Variants in CAMK1D observed in about 807,000 individuals in gnomAD.
CAMK1D encodes calcium/calmodulin-dependent protein kinase type 1D.
A neutral mutation model predicts 47.7 loss-of-function variants in CAMK1D; 9 were observed. The ratio of observed to expected loss-of-function variants is 0.19; its 90% confidence interval spans 0.11 to 0.33. The LOEUF (loss-of-function observed/expected upper bound fraction) is 0.33. Ranked by LOEUF, CAMK1D falls within the 10% of genes least tolerant of loss-of-function variation. CAMK1D has a pLI of 1.00. For missense variants in CAMK1D, 291 were observed against 488.7 expected (o/e 0.60, Z 3.81); for synonymous variants, 184 against 184.9 (o/e 0.99, Z 0.04).
At chr10:12,755,495 A>G (rs1345664515) in intron 3 of CAMK1D, among the ~76,000 whole-genome samples, 11 of 152,206 alleles carry the variant, frequency 7.2e-5, no homozygotes, top group African/African-American at 1.2e-4. Flanking sequence ...AGCATGATTT[A>G]TAATCCTTTG....
chr10:12,653,464 A>G (rs528242464), intron 2 of CAMK1D, among the ~76,000 whole-genome samples: 3 of 152,352 alleles, frequency 2.0e-5, no homozygotes, highest in African/African-American at 7.2e-5. Flanking sequence ...TTCCCAACAT[A>G]TGAGTGCTTG....
intron 3 of CAMK1D, among the ~76,000 whole-genome samples, chr10:12,735,878 C>T (rs1283187964): frequency 1.3e-5 from 2 of 151,938 alleles, no homozygotes; most frequent in Non-Finnish European, 2.9e-5. Context: ...ATGGCTGGCA[C>T]CACACTCAGA....
chr10:12,675,846 C>T (rs1840789103), intron 3 of CAMK1D, among the ~76,000 whole-genome samples: 1 of 152,228 alleles, frequency 6.6e-6, no homozygotes, highest in South Asian at 2.1e-4. Context: ...GCCTGTCTGG[C>T]TTCCTTGCAA....
intron 1 of CAMK1D, among the ~76,000 whole-genome samples, chr10:12,500,038 G>A (rs2132137734): frequency 6.6e-6 from 1 of 152,250 alleles, no homozygotes; most frequent in East Asian, 1.9e-4. Context: ...GGCCGAGGTG[G>A]GCAGATCACT....
chr10:12,713,021 G>A (rs971750899), intron 3 of CAMK1D, among the ~76,000 whole-genome samples: 18 of 152,080 alleles, frequency 1.2e-4, no homozygotes, highest in African/African-American at 2.4e-4. Context: ...TGACATTCCC[G>A]GAGGCATGGT....
At chr10:12,550,327 T>TC (rs1205842789) in intron 1 of CAMK1D, among the ~76,000 whole-genome samples, 1 of 152,190 alleles carries the variant, frequency 6.6e-6, no homozygotes, top group Non-Finnish European at 1.5e-5. Flanking sequence ...CCTTGGTCTT[T>TC]CCCCAGTGAT....
At chr10:12,503,764 A>G (rs746701818) in intron 1 of CAMK1D, among the ~76,000 whole-genome samples, 20 of 152,154 alleles carry the variant, frequency 1.3e-4, no homozygotes, top group Non-Finnish European at 2.8e-4. Context: ...GGTTAGGTCC[A>G]TGGGCTCCTG....
chr10:12,639,417 G>A (rs1482057117), intron 2 of CAMK1D, among the ~76,000 whole-genome samples: 1 of 152,162 alleles, frequency 6.6e-6, no homozygotes, highest in East Asian at 1.9e-4. Flanking sequence ...CCCGCGAGGC[G>A]GAGGTTGCAG....
At chr10:12,621,125 T>A (rs903163833) in intron 2 of CAMK1D, among the ~76,000 whole-genome samples, 3 of 152,240 alleles carry the variant, frequency 2.0e-5, no homozygotes, top group Non-Finnish European at 4.4e-5. Flanking sequence ...TATTTCTGTG[T>A]TCTCTATTCT....
At chr10:12,402,230 C>T (rs921201153) in intron 1 of CAMK1D, among the ~76,000 whole-genome samples, 1 of 151,990 alleles carries the variant, frequency 6.6e-6, no homozygotes, top group Non-Finnish European at 1.5e-5. Context: ...GCACGAGCCA[C>T]CGCGCCTGAC....
intron 6 of CAMK1D, among the ~76,000 whole-genome samples, chr10:12,811,097 G>A (rs1367358285): frequency 6.6e-6 from 1 of 152,256 alleles, no homozygotes; most frequent in African/African-American, 2.4e-5. Context: ...TTGATTGGGT[G>A]TGACAGTTGC....
At chr10:12,818,214 A>G (rs1394334350) in intron 8 of CAMK1D, among the ~76,000 whole-genome samples, 3 of 152,212 alleles carry the variant, frequency 2.0e-5, no homozygotes, top group Non-Finnish European at 2.9e-5. Context: ...ACCTGCTCAC[A>G]GACAATGTCC....
At chr10:12,437,439 C>T (rs1314252386) in intron 1 of CAMK1D, among the ~76,000 whole-genome samples, 1 of 152,190 alleles carries the variant, frequency 6.6e-6, no homozygotes, top group Non-Finnish European at 1.5e-5. Flanking sequence ...AGGTGATCCA[C>T]CCGCCTTGAC....
rs901094869 is a variant in CAMK1D, at chr10:12,784,047, G to A, written c.566-7111G>A. ...TGGTGTAAACTTGATAAGCCGATGGGATATTGTTTTGTCAGGAATAGCAAA... is the reference window on the plus strand; with the variant it reads ...TGGTGTAAACTTGATAAGCCGATGGAATATTGTTTTGTCAGGAATAGCAAA... On this transcript the variant is annotated intron_variant, in intron 5 of 10. Transcript: ENST00000619168. 2.3e-4 allele frequency among the ~76,000 whole-genome samples: 35 copies of A among 152,150 alleles called. 1 individual carries two copies. The highest frequency in any genetic ancestry group is 8.2e-4 in the African/African-American group (34 of 41,434).
chr10:12,601,866 C>G (rs754577592), intron 2 of CAMK1D, among the ~76,000 whole-genome samples: 2 of 152,254 alleles, frequency 1.3e-5, no homozygotes, highest in African/African-American at 2.4e-5. Context: ...CTCGTTTCAG[C>G]TCAGCTGGTG....
intron 3 of CAMK1D, among the ~76,000 whole-genome samples, chr10:12,693,257 T>C (rs1198855697): frequency 6.6e-6 from 1 of 151,874 alleles, no homozygotes; most frequent in Non-Finnish European, 1.5e-5. Flanking sequence ...CTAAGCTACT[T>C]GGGAGGCTGA....
At chr10:12,351,857 C>T (rs1160675924) in intron 1 of CAMK1D, among the ~76,000 whole-genome samples, 19 of 152,138 alleles carry the variant, frequency 1.2e-4, no homozygotes, top group Admixed American at 1.2e-3. Context: ...TTGCCTTCTG[C>T]CTGGGATGGA....
chr10:12,508,620 C>A (rs768766045), intron 1 of CAMK1D, among the ~76,000 whole-genome samples: 10 of 152,198 alleles, frequency 6.6e-5, no homozygotes, highest in Non-Finnish European at 1.2e-4. Context: ...AACTCTACAG[C>A]TGAAAATGGT....
chr10:12,652,051 T>C (rs376069616), intron 2 of CAMK1D, among the ~76,000 whole-genome samples: 2 of 151,736 alleles, frequency 1.3e-5, no homozygotes, highest in Non-Finnish European at 2.9e-5. Flanking sequence ...AGTGCTGGGA[T>C]TACAGGCGTG....
Sources: allele counts gnomAD v4.1 joint callset (sites outside exome capture counted in the v4.1 genomes callset), GRCh38; gene constraint gnomAD v4.1.1; transcripts MANE v1.5; gene names NCBI Gene and HGNC (gene_info 2026-07-23, HGNC 2026-07-21).